Variants in WDPCP observed in about 807,000 individuals in gnomAD.
WDPCP encodes WD repeat-containing and planar cell polarity effector protein fritz homolog.
WDPCP carries 71 observed loss-of-function variants against 93.1 expected under a neutral mutation model. That is an observed-to-expected ratio of 0.76 (90% CI 0.63 to 0.93). The LOEUF is 0.93. WDPCP is among the 40% of genes least tolerant of loss of function. WDPCP has a pLI of 0.00. For synonymous variants in WDPCP, 315 were observed against 315.0 expected, an observed-to-expected ratio of 1.00 and a Z score of 0.00; for missense variants, 844 against 887.4, an observed-to-expected ratio of 0.95 and a Z score of 0.62.
At chr2:63,507,183 C>T (rs1181733349) in intron 1 of WDPCP, among the ~76,000 whole-genome samples, 1 of 151,788 alleles carries the variant, frequency 6.6e-6, no homozygotes, top group Non-Finnish European at 1.5e-5. Flanking sequence ...ACAAAAGATA[C>T]AATCCCTGTG....
chr2:63,793,870 TTGTGTG>T (rs35714297), intron 2 of WDPCP, among the ~76,000 whole-genome samples: 8,311 of 145,302 alleles, frequency 0.057, 343 homozygotes, highest in African/African-American at 0.11. Flanking sequence ...AGTACTTACA[TTGTGTG>T]TGTGTGTGTG....
In WDPCP at chr2:63,119,730, C is replaced by T. The variant is rs796596801; in HGVS notation, c.*2276G>A. On this transcript the variant is annotated 3_prime_UTR_variant, in exon 18 of 18. Transcript: ENST00000272321. ...CTGTCAGTGCTAGGACAGATACTAC[C>T]TAGCTGTTCCTGCCTATACCACTCT... Among the ~76,000 whole-genome samples the T allele has an allele frequency of 1.9e-4, 29 of 152,288 alleles. No individual in the cohort carries two copies. The highest frequency in any genetic ancestry group is 5.5e-4 in the African/African-American group (23 of 41,566).
intron 2 of WDPCP, among the ~76,000 whole-genome samples, chr2:63,662,609 G>C (rs1298670807): frequency 6.6e-6 from 1 of 150,432 alleles, no homozygotes; most frequent in African/African-American, 2.5e-5. Context: ...GCTTTATATG[G>C]GCTGCTGATT....
chr2:63,839,769 C>T, the WDPCP span, among the ~76,000 whole-genome samples: 39 of 152,310 alleles, frequency 2.6e-4, no homozygotes, highest in Middle Eastern at 0.01. Flanking sequence ...TCTTCAGTCT[C>T]CAAATGCTGT....
chr2:63,142,814 A>AGG (rs1198579154), intron 17 of WDPCP, among the ~76,000 whole-genome samples: 54 of 103,092 alleles, frequency 5.2e-4, no homozygotes, highest in Non-Finnish European at 7.6e-4. Flanking sequence ...CTGCAGTGTT[A>AGG]GGGGTGTGTG....
chr2:63,650,002 CA>C (rs1229589902), intron 3 of WDPCP, among the ~76,000 whole-genome samples: 2 of 152,140 alleles, frequency 1.3e-5, no homozygotes, highest in Non-Finnish European at 2.9e-5. Flanking sequence ...AGGAGAAGAC[CA>C]GTTGATGTGT....
chr2:63,609,754 C>A (rs1709595394), intron 3 of WDPCP, among the ~76,000 whole-genome samples: 1 of 152,078 alleles, frequency 6.6e-6, no homozygotes, highest in South Asian at 2.1e-4. Context: ...CACCTGTAGT[C>A]CCAACTACTC....
At chr2:63,134,914 G>C (rs1260572490) in intron 17 of WDPCP, among the ~76,000 whole-genome samples, 2 of 152,160 alleles carry the variant, frequency 1.3e-5, no homozygotes, top group Admixed American at 1.3e-4. Context: ...CTTGAACTCA[G>C]GAGGTTGAGA....
At chr2:63,589,451 A>G, upstream of WDPCP, 2 of 1,478,082 alleles carry the variant, frequency 1.4e-6, no homozygotes, top group South Asian at 1.2e-5. Context: ...CAGTGTTTAT[A>G]ACGGCTTTTG....
At chr2:63,140,908 C>G (rs1671013260) in intron 17 of WDPCP, among the ~76,000 whole-genome samples, 1 of 152,122 alleles carries the variant, frequency 6.6e-6, no homozygotes, top group Non-Finnish European at 1.5e-5. Context: ...AGAGGGAATG[C>G]TTTCAACTTT....
At chr2:63,331,570 G>A (rs1687978081) in intron 12 of WDPCP, among the ~76,000 whole-genome samples, 1 of 152,052 alleles carries the variant, frequency 6.6e-6, no homozygotes, top group African/African-American at 2.4e-5. Context: ...ACAGTGCAAG[G>A]GGTTTAGATG....
rs756632510 is a variant in WDPCP, at chr2:63,381,970, G to A, written c.1560C>T (p.Cys520=). ...SMNWDTLGHQ[C]FISMSAIVNH... ...TTACAATGGCGCTCATGCTGATAAA[G>A]CACTGGTGGCCCAGAGTGTCCCAGT... Residue 520 remains cysteine, a synonymous_variant, in exon 11 of 18, where the codon TGC becomes TGT. Transcript: ENST00000272321. The A allele has an allele frequency of 6.2e-7, 1 of 1,613,524 alleles. No individual in the cohort carries two copies. The highest frequency in any genetic ancestry group is 8.5e-7 in the Non-Finnish European group (1 of 1,179,724).
At chr2:63,839,173 C>T in the WDPCP span, among the ~76,000 whole-genome samples, 1 of 152,230 alleles carries the variant, frequency 6.6e-6, no homozygotes, top group East Asian at 1.9e-4. Flanking sequence ...TTAACAAATG[C>T]TCTTGCTGCA....
chr2:63,548,379 G>A (rs773041511), intron 1 of WDPCP, among the ~76,000 whole-genome samples: 1 of 151,852 alleles, frequency 6.6e-6, no homozygotes, highest in Non-Finnish European at 1.5e-5. Context: ...GAATTAATAT[G>A]CATCCAATAA....
In WDPCP at chr2:63,721,793, G is replaced by A. The variant is rs967735428; in HGVS notation, n.309-70955C>T. On this transcript the variant is annotated intron_variant and non_coding_transcript_variant, in intron 2 of 4. Transcript: ENST00000467687. ...CACGGTCTCCCTCTCATGCTGAGCC[G>A]AAGCTGGACTGTACTGCTGCCATCT... is the stretch of plus-strand genomic sequence containing the variant. Among the ~76,000 whole-genome samples, 29 of 145,796 alleles carry A rather than the reference G, an allele frequency of 2.0e-4. No homozygotes were observed. The South Asian group carries it at 5.8e-3, about 29-fold the overall frequency.
chr2:63,468,708 C>A (rs564459279), intron 6 of WDPCP, among the ~76,000 whole-genome samples: 1 of 152,232 alleles, frequency 6.6e-6, no homozygotes, highest in South Asian at 2.1e-4. Context: ...ATTCCCTCCC[C>A]CCTTAGCAGG....
At chr2:63,521,194 A>G (rs537228353) in intron 1 of WDPCP, among the ~76,000 whole-genome samples, 12 of 152,356 alleles carry the variant, frequency 7.9e-5, no homozygotes, top group African/African-American at 2.9e-4. Flanking sequence ...ACAGAATCAA[A>G]TCCACACATA....
At chr2:63,749,426 G>T (rs1274093389) in intron 2 of WDPCP, among the ~76,000 whole-genome samples, 1 of 151,994 alleles carries the variant, frequency 6.6e-6, no homozygotes, top group East Asian at 1.9e-4. Flanking sequence ...ATAATTTTTT[G>T]ACTTTATAGT....
intron 9 of WDPCP, among the ~76,000 whole-genome samples, chr2:63,430,102 A>G (rs1340688380): frequency 6.6e-6 from 1 of 152,112 alleles, no homozygotes; most frequent in Middle Eastern, 3.2e-3. Flanking sequence ...GAGGCCACTA[A>G]GTGAATTAAT....
Sources: gnomAD v4.1 joint callset for allele counts (sites outside exome capture counted in the v4.1 genomes callset) on GRCh38, gnomAD v4.1.1 for gene constraint, MANE v1.5 for transcripts, NCBI Gene and HGNC (gene_info 2026-07-23, HGNC 2026-07-21) for gene names.